The following ADAMTS19 variants were observed in gnomAD, a reference collection of about 807,000 sequenced individuals.
ADAMTS19 encodes the protein ADAM metallopeptidase with thrombospondin type 1 motif 19, also known as A disintegrin and metalloproteinase with thrombospondin motifs 19.
A neutral mutation model predicts 153.3 loss-of-function variants in ADAMTS19; 93 were observed. The observed-to-expected ratio is 0.61, with a 90% CI of 0.51 to 0.72. The LOEUF (loss-of-function observed/expected upper bound fraction) is 0.72, where lower values mean the gene tolerates loss of function less well. Ranked by LOEUF, ADAMTS19 falls within the 30% of genes least tolerant of loss-of-function variation. The probability of loss-of-function intolerance (pLI) is 0.00; values close to 1 mark genes in which losing one functional copy is unlikely to be tolerated. For missense variants in ADAMTS19, 1,482 were observed against 1,552.1 expected (o/e 0.95, Z 0.76); for synonymous variants, 600 against 556.6 (o/e 1.08, Z -1.10).
At chr5:129,473,193 TAA>T (rs5871355) in intron 2 of ADAMTS19, among the ~76,000 whole-genome samples, 2 of 147,000 alleles carry the variant, frequency 1.4e-5, no homozygotes, top group African/African-American at 5.0e-5. Flanking sequence ...AAATAAACAG[TAA>T]AAAAAAAAAA....
chr5:129,514,044 T>C (rs1368283863), intron 3 of ADAMTS19, among the ~76,000 whole-genome samples: 1 of 152,134 alleles, frequency 6.6e-6, no homozygotes, highest in Non-Finnish European at 1.5e-5. Flanking sequence ...ATCCCATGTT[T>C]GTCTTTTTGT....
chr5:129,644,548 G>A (rs182315330), intron 11 of ADAMTS19, among the ~76,000 whole-genome samples: 189 of 152,218 alleles, frequency 1.2e-3, no homozygotes, highest in Middle Eastern at 3.4e-3. Flanking sequence ...TTTGAACAAA[G>A]AGGTTTATAT....
intron 7 of ADAMTS19, among the ~76,000 whole-genome samples, chr5:129,583,652 C>T (rs1168569106): frequency 1.3e-5 from 2 of 151,704 alleles, no homozygotes; most frequent in Non-Finnish European, 2.9e-5. Flanking sequence ...TGCTTTATTT[C>T]ATTAATGTGA....
chr5:129,556,483 C>A (rs1753314388), intron 7 of ADAMTS19, among the ~76,000 whole-genome samples: 1 of 152,044 alleles, frequency 6.6e-6, no homozygotes, highest in Non-Finnish European at 1.5e-5. Flanking sequence ...GAATAATGGT[C>A]CTCAAGAGTG....
intron 21 of ADAMTS19, among the ~76,000 whole-genome samples, chr5:129,716,529 A>C: frequency 6.7e-6 from 1 of 149,340 alleles, no homozygotes; most frequent in South Asian, 2.1e-4. Context: ...TTAACCCAAA[A>C]TTCCTGATCT....
rs1214319117 is a variant in ADAMTS19 at position 129,465,305 on chromosome 5, TG to T, written c.747+3549del. ...TTATCTTTGCTCAAAGTTAACACAA[TG>T]TTTTTTTTTTTTTTTTTCTAAAAAC... On this transcript the variant is annotated intron_variant, in intron 2 of 22. Coordinates refer to ENST00000274487, the MANE Select transcript of ADAMTS19 (RefSeq NM_133638.6). Among the ~76,000 whole-genome samples the T allele has an allele frequency of 7.1e-5, 10 of 140,100 alleles. No homozygotes were observed. In the South Asian group the frequency reaches 8.6e-4, roughly 12 times the overall value. 91.9% of individuals were successfully genotyped at this position (140,100 alleles called of 152,430 possible). A position where few individuals can be genotyped will look rare whatever the true frequency, so the allele number is the denominator to read the frequency against.
At chr5:129,480,630 G>A (rs1001609381) in intron 2 of ADAMTS19, among the ~76,000 whole-genome samples, 9 of 152,070 alleles carry the variant, frequency 5.9e-5, no homozygotes, top group East Asian at 1.9e-4. Flanking sequence ...AAAAAAGTTC[G>A]TGAAAAAGAT....
At chr5:129,555,976 A>G (rs897118777) in intron 7 of ADAMTS19, among the ~76,000 whole-genome samples, 6 of 152,188 alleles carry the variant, frequency 3.9e-5, no homozygotes, top group African/African-American at 1.4e-4. Flanking sequence ...AGGTTTGTGC[A>G]TTTTAAATGA....
At chr5:129,471,503 G>C (rs1473620604) in intron 2 of ADAMTS19, among the ~76,000 whole-genome samples, 1 of 152,014 alleles carries the variant, frequency 6.6e-6, no homozygotes, top group Non-Finnish European at 1.5e-5. Context: ...AGGCAGGCAA[G>C]ACTCTGTCTC....
At position 129,679,795 on chromosome 5, in the gene ADAMTS19, T is replaced by C. The variant is rs774205361; in HGVS notation, c.2538T>C (p.Asn846=). ...ALRDAGKQSI[N]SDWKIEHSGA... The stretch of plus-strand genomic sequence containing the variant: ...GAGATGCTGGCAAACAGTCTATTAA[T>C]AGTGACTGGAAGATTGAACACTCTG... Residue 846 remains asparagine, a synonymous_variant, in exon 17 of 23, where the codon AAT becomes AAC. Transcript: ENST00000274487. 38 of 1,613,678 alleles carry C rather than the reference T, an allele frequency of 2.4e-5. No homozygotes were observed. Among genetic ancestry groups the C allele is most frequent in the Non-Finnish European group, 3.1e-5 (37 of 1,179,790 alleles).
In ADAMTS19 at chr5:129,461,497, C is replaced by A. The variant is rs1413914447; in HGVS notation, c.487C>A (p.His163Asn). 2 of 1,501,650 alleles carry A rather than the reference C, an allele frequency of 1.3e-6. No homozygotes were observed. The highest frequency in any genetic ancestry group is 2.8e-5 in the East Asian group (1 of 35,700). The allele number at this position is 1,501,650 out of a possible 1,614,324, so 93.0% of individuals were successfully genotyped here. The change falls in exon 2 of 23, where the codon CAT becomes AAT. Residue 163 changes from histidine (H) to asparagine (N), a missense_variant. His to Asn is a moderately conservative substitution (Grantham distance 68). Coordinates refer to ENST00000274487, the MANE Select transcript of ADAMTS19 (RefSeq NM_133638.6). The surrounding 1 kb of genome is among the most constrained non-coding windows in gnomAD (Gnocchi z 4.6). ...GCCCCCGTCCCCGCCCCCGGCCCAG[C>A]ATGCCGAGCCGGATGGCGACGAAGT... ...QPPPSPPPAQ[H>N]AEPDGDEVLL... is the part of the protein sequence containing the mutation.
intron 7 of ADAMTS19, among the ~76,000 whole-genome samples, chr5:129,596,016 A>G (rs1201967774): frequency 1.3e-5 from 2 of 152,094 alleles, no homozygotes; most frequent in South Asian, 4.1e-4. Context: ...ATTTTCAAAT[A>G]AAATCTTTCT....
chr5:129,551,899 A>G lies in ADAMTS19; in HGVS notation c.1364A>G (p.Asp455Gly). Residue 455 changes from aspartate (D) to glycine (G), a missense_variant, in exon 7 of 23, where the codon GAT becomes GGT. By Grantham distance (94) the Asp-to-Gly change is moderately conservative (BLOSUM62 -1). This residue lies in a region of ADAMTS19 where 866 missense variants were observed against 827.7 expected (regional missense o/e 1.05). Coordinates refer to ENST00000274487, the MANE Select transcript of ADAMTS19 (RefSeq NM_133638.6). The stretch of plus-strand genomic sequence containing the variant: ...TGTGTGCACAAAGATGAACCATGTG[A>G]TACTGTTGGTAAGTGTGAAAATTCT... Reference protein sequence around the residue: ...DFCVHKDEPCDTVGIAYLSGM... With the variant: ...DFCVHKDEPCGTVGIAYLSGM... 6.3e-7 allele frequency: 1 copy of G among 1,577,740 alleles called. No homozygotes were observed. Among genetic ancestry groups the G allele is most frequent in the Non-Finnish European group, 8.6e-7 (1 of 1,163,848 alleles).
intron 8 of ADAMTS19, among the ~76,000 whole-genome samples, chr5:129,609,635 A>G (rs1040386419): frequency 6.6e-6 from 1 of 152,184 alleles, no homozygotes; most frequent in Admixed American, 6.6e-5. Flanking sequence ...GTAGAATAAT[A>G]AGCAATTTTT....
At chr5:129,600,925 A>G (rs1185818335) in intron 8 of ADAMTS19, among the ~76,000 whole-genome samples, 1 of 152,048 alleles carries the variant, frequency 6.6e-6, no homozygotes, top group Non-Finnish European at 1.5e-5. Flanking sequence ...GCTGGAGTGC[A>G]GTGGCTCGAT....
chr5:129,725,425 C>T (rs1757167830), intron 21 of ADAMTS19, among the ~76,000 whole-genome samples: 1 of 152,038 alleles, frequency 6.6e-6, no homozygotes, highest in Non-Finnish European at 1.5e-5. Context: ...CATGCATGCT[C>T]ACTTTAAGGT....
chr5:129,543,072 G>C (rs1752715681), intron 6 of ADAMTS19, among the ~76,000 whole-genome samples: 1 of 147,266 alleles, frequency 6.8e-6, no homozygotes, highest in African/African-American at 2.5e-5. Flanking sequence ...AATTTAAGAA[G>C]GAGTTTTGCT....
chr5:129,575,838 A>G (rs1168727931), intron 7 of ADAMTS19, among the ~76,000 whole-genome samples: 1 of 152,074 alleles, frequency 6.6e-6, no homozygotes, highest in Non-Finnish European at 1.5e-5. Flanking sequence ...TGTATATCAG[A>G]GTTTGGCTTA....
At chr5:129,694,922 T>C in intron 19 of ADAMTS19, 67 bp downstream of exon 19, 2 of 1,345,946 alleles carry the variant, frequency 1.5e-6, no homozygotes, top group Non-Finnish European at 2.0e-6. Context: ...TAAAACATGC[T>C]CAGAATATCA....
Sources: gnomAD v4.1 joint callset for allele counts (sites outside exome capture counted in the v4.1 genomes callset) on GRCh38, gnomAD v4.1.1 for gene constraint, gnomAD v4.1.1 regional missense constraint, Gnocchi (gnomAD v3.1) non-coding constraint, MANE v1.5 for transcripts, NCBI Gene and HGNC (gene_info 2026-07-23, HGNC 2026-07-21) for gene names.